Variants in MAP2K2 observed in about 807,000 individuals in gnomAD.
MAP2K2 encodes dual specificity mitogen-activated protein kinase kinase 2.
Under a neutral mutation model 43.7 loss-of-function variants are expected in MAP2K2, and 24 were observed. The ratio of observed to expected loss-of-function variants is 0.55; its 90% CI spans 0.40 to 0.77. The LOEUF is 0.77. Among genes scored for constraint, MAP2K2 ranks in the 30% least tolerant of loss-of-function variants. MAP2K2 has a pLI of 0.00. For missense variants in MAP2K2, 470 were observed against 566.8 expected, an observed-to-expected ratio of 0.83 and a Z score of 1.73; for synonymous variants, 244 against 239.7, an observed-to-expected ratio of 1.02 and a Z score of -0.17.
intron 10 of MAP2K2, among the ~76,000 whole-genome samples, chr19:4,092,930 CG>C (rs2040867758): frequency 6.6e-6 from 1 of 152,072 alleles, no homozygotes; most frequent in Non-Finnish European, 1.5e-5. Flanking sequence ...CTGGGCAGGT[CG>C]GGCACGGTGG....
At chr19:4,110,242 T>C (rs2041136793) in intron 3 of MAP2K2, among the ~76,000 whole-genome samples, 1 of 152,062 alleles carries the variant, frequency 6.6e-6, no homozygotes, top group Non-Finnish European at 1.5e-5. Flanking sequence ...AGGTGGAGGT[T>C]GCAGTGAGCC....
At position 4,117,617 on chromosome 19, in the gene MAP2K2, C is replaced by T; in HGVS notation, c.105G>A (p.Val35=). 6.2e-7 allele frequency: 1 copy of T among 1,613,972 alleles called. No individual in the cohort carries two copies. Among genetic ancestry groups the T allele is most frequent in the South Asian group, 1.1e-5 (1 of 91,090 alleles). The change falls in exon 2 of 11, where the codon GTG becomes GTA. Residue 35 remains valine, a synonymous_variant. Transcript: ENST00000262948. ...GCTCCTCCAGCTTCTTCTGCAGGTC[C>T]ACCAGGTTTGCCCTGCAGAGACCCC... is the stretch of plus-strand genomic sequence containing the variant. ...TSEGASEANL[V]DLQKKLEELE...
chr19:4,114,537 C>G lies in MAP2K2; in HGVS notation c.303+2882G>C, dbSNP rs575402969. Among the ~76,000 whole-genome samples, 4 of 152,368 alleles carry G rather than the reference C, an allele frequency of 2.6e-5. No individual in the cohort carries two copies. In the South Asian group the frequency reaches 8.3e-4, roughly 32 times the overall value. ...AAAGAAGCCCCACACGCGTAACAAG[C>G]AGCAAGTTCTTCACCTATCTCCCTG... On this transcript the variant is annotated intron_variant, in intron 2 of 10. Coordinates refer to ENST00000262948, the MANE Select transcript of MAP2K2 (RefSeq NM_030662.4).
chr19:4,099,512 G>A, intron 6 of MAP2K2, 98 bp from the exon 7 acceptor site: 1 of 942,320 alleles, frequency 1.1e-6, no homozygotes, highest in Non-Finnish European at 1.7e-6. Context: ...CCCTCTCCAT[G>A]GCTAATGACC....
In MAP2K2 at chr19:4,101,050, T is replaced by G. The variant is rs1288061001; in HGVS notation, c.674A>C (p.Asn225Thr). ...VSGQLIDSMA[N>T]SFVGTRSYMA... ...GTAGGAGCGCGTGCCCACGAAGGAG[T>G]TGGCCATGGAGTCGATGAGCTGGCC... Residue 225 changes from asparagine (N) to threonine (T), a missense_variant, in exon 6 of 11, where the codon AAC (asparagine) becomes ACC (threonine). Physicochemically the swap from Asn to Thr is moderately conservative, Grantham distance 65. This residue lies in a region of MAP2K2 where 200 missense variants were observed against 297.9 expected (regional missense o/e 0.67). Coordinates refer to ENST00000262948, the MANE Select transcript of MAP2K2 (RefSeq NM_030662.4). This position sits in a 1 kb window ranked among gnomAD's most constrained non-coding sequence, Gnocchi z 6.3. 6.3e-7 allele frequency: 1 copy of G among 1,577,556 alleles called. No individual in the cohort carries two copies.
At chr19:4,112,850 G>C (rs2041172007) in intron 2 of MAP2K2, among the ~76,000 whole-genome samples, 1 of 152,222 alleles carries the variant, frequency 6.6e-6, no homozygotes, top group South Asian at 2.1e-4. Context: ...AGGTGCTGGT[G>C]CTCACTCCCG....
chr19:4,103,382 CCTCTTCA>C (rs1290564424), intron 3 of MAP2K2: 2 of 448,696 alleles, frequency 4.5e-6, no homozygotes, highest in African/African-American at 2.1e-5. Context: ...ACCCAAGGTG[CCTCTTCA>C]GAGGCAGAGG....
chr19:4,092,966 T>C (rs1293304255), intron 10 of MAP2K2, among the ~76,000 whole-genome samples: 5 of 152,040 alleles, frequency 3.3e-5, no homozygotes, highest in Non-Finnish European at 7.4e-5. Flanking sequence ...CCCAGCACTT[T>C]GCGAGGCTGA....
intron 2 of MAP2K2, among the ~76,000 whole-genome samples, 193 bp downstream of exon 2, chr19:4,117,217 TGTGTGGCTG>T (rs1483020374): frequency 1.3e-5 from 2 of 152,108 alleles, no homozygotes; most frequent in Admixed American, 1.3e-4. Flanking sequence ...GGCACAGCTG[TGTGTGGCTG>T]GTGTGGCTGG....
intron 8 of MAP2K2, among the ~76,000 whole-genome samples, chr19:4,097,005 A>G (rs1423547078): frequency 2.7e-5 from 4 of 147,316 alleles, no homozygotes; most frequent in Non-Finnish European, 6.0e-5. Flanking sequence ...AAGCCACTGC[A>G]CTACAAAGCT....
At position 4,107,828 on chromosome 19, in the gene MAP2K2, G is replaced by C. The variant is rs1173552489; in HGVS notation, c.450+2681C>G. 5.3e-5 allele frequency among the ~76,000 whole-genome samples: 8 copies of C among 152,230 alleles called. No individual in the cohort carries two copies. In the East Asian group the frequency reaches 1.3e-3, roughly 26 times the overall value. On this transcript the variant is annotated intron_variant, in intron 3 of 10. Transcript: ENST00000262948. ...CAGCCAGGACATGGATGCAACACCTGTGCGTGCCGGGTGCCATCCTGGGAG... is the reference window on the plus strand; with the variant it reads ...CAGCCAGGACATGGATGCAACACCTCTGCGTGCCGGGTGCCATCCTGGGAG...
intron 10 of MAP2K2, among the ~76,000 whole-genome samples, chr19:4,091,573 G>C (rs943012328): frequency 6.6e-6 from 1 of 151,990 alleles, no homozygotes; most frequent in East Asian, 1.9e-4. Context: ...GGTTGGTCTC[G>C]AACTCCTGAA....
rs376361920 is a variant in MAP2K2 at position 4,103,144 on chromosome 19, G to A, written c.451-691C>T. On this transcript the variant is annotated intron_variant, in intron 3 of 10. Coordinates refer to ENST00000262948, the MANE Select transcript of MAP2K2 (RefSeq NM_030662.4). ...GGATCCCAGTGACGCCAGCCCAGGTGACGGTAACCTCGGCCCCTCCCCACA... is the reference window on the plus strand; with the variant it reads ...GGATCCCAGTGACGCCAGCCCAGGTAACGGTAACCTCGGCCCCTCCCCACA... 87 of 993,066 alleles carry A rather than the reference G, an allele frequency of 8.8e-5. No homozygotes were observed. The East Asian group carries it at 2.4e-3, about 28-fold the overall frequency. 61.5% of individuals were successfully genotyped at this position (993,066 alleles called of 1,614,324 possible). A position where few individuals can be genotyped will look rare whatever the true frequency, so the allele number is the denominator to read the frequency against.
chr19:4,110,943 ACAGGACT>A (rs1411248908), intron 2 of MAP2K2, among the ~76,000 whole-genome samples: 1 of 152,154 alleles, frequency 6.6e-6, no homozygotes, highest in Admixed American at 6.5e-5. Context: ...CCTCACTGAA[ACAGGACT>A]CAGCCGTAAA....
chr19:4,109,480 C>T (rs1056670329), intron 3 of MAP2K2, among the ~76,000 whole-genome samples: 4 of 152,162 alleles, frequency 2.6e-5, no homozygotes, highest in Non-Finnish European at 4.4e-5. Context: ...GCTCTGCTGC[C>T]CGGGCTGGAG....
intron 6 of MAP2K2, chr19:4,100,154 G>A (rs947190435): frequency 3.9e-5 from 6 of 152,324 alleles, no homozygotes; most frequent in African/African-American, 1.4e-4. Context: ...GCTGAGGCAG[G>A]AGAATGGTGT....
intron 3 of MAP2K2, among the ~76,000 whole-genome samples, chr19:4,105,413 T>C (rs1039177067): frequency 3.3e-4 from 50 of 151,430 alleles, no homozygotes; most frequent in Admixed American, 1.7e-3. Context: ...GGACTACAGG[T>C]GCCCGCCACC....
At chr19:4,102,905 A>AG (rs770188108) in intron 3 of MAP2K2, 315 of 1,154,112 alleles carry the variant, frequency 2.7e-4, no homozygotes, top group Non-Finnish European at 3.2e-4. Context: ...CACGAAGGGA[A>AG]GGGGAGGGTG....
At chr19:4,099,996 T>A (rs1404254474) in intron 6 of MAP2K2, 1 of 162,160 alleles carries the variant, frequency 6.2e-6, no homozygotes, top group African/African-American at 2.4e-5. Context: ...ACGCCTGTAA[T>A]CCCAGCACTT....
Sources: allele counts gnomAD v4.1 joint callset (sites outside exome capture counted in the v4.1 genomes callset), GRCh38; gene constraint gnomAD v4.1.1; regional missense constraint gnomAD v4.1.1; non-coding constraint Gnocchi (gnomAD v3.1); transcripts MANE v1.5; gene names NCBI Gene and HGNC (gene_info 2026-07-23, HGNC 2026-07-21).